Variants in PCDHGA1 observed in about 807,000 individuals in gnomAD.
The protein encoded by PCDHGA1 is protocadherin gamma subfamily A, 1, also known as protocadherin gamma-A1.
In PCDHGA1, 32 loss-of-function variants were observed where a neutral mutation model predicts 58.0. The observed-to-expected ratio is 0.55, with a 90% CI of 0.42 to 0.74. The LOEUF is 0.74. Among genes scored for constraint, PCDHGA1 ranks in the 30% least tolerant of loss-of-function variants. PCDHGA1 has a pLI of 0.00. For synonymous variants in PCDHGA1, 498 were observed against 501.1 expected (o/e 0.99, Z 0.08); for missense variants, 1,205 against 1,182.3 (o/e 1.02, Z -0.28).
At chr5:141,454,789 G>T (rs1368681394) in intron 1 of PCDHGA1, among the ~76,000 whole-genome samples, 1 of 129,576 alleles carries the variant, frequency 7.7e-6, no homozygotes, top group African/African-American at 3.1e-5. Flanking sequence ...AATCCTCCAT[G>T]GTTCTAATTT....
intron 1 of PCDHGA1, chr5:141,360,218 C>T (rs1331722103): frequency 6.2e-7 from 1 of 1,613,378 alleles, no homozygotes; most frequent in African/African-American, 1.3e-5. Context: ...TTCCCCGGGG[C>T]TCTCCCAGTC....
chr5:141,340,707 C>T (rs757258836), intron 1 of PCDHGA1: 7 of 1,614,052 alleles, frequency 4.3e-6, no homozygotes, highest in African/African-American at 4.0e-5. Flanking sequence ...GAGCTGGCGC[C>T]CCGCTCCGCA....
In PCDHGA1 at chr5:141,493,664, G is replaced by A. The variant is rs2099749444; in HGVS notation, c.2422-1143G>A. Reference sequence around the variant, plus strand: ...TGGCCATCCCTGTGCCCTTCTCCATGGCAGCCCCAGAATGGTGCTGGTGAC... The same window carrying A: ...TGGCCATCCCTGTGCCCTTCTCCATAGCAGCCCCAGAATGGTGCTGGTGAC... On this transcript the variant is annotated intron_variant, in intron 1 of 3. Coordinates refer to ENST00000517417, the MANE Select transcript of PCDHGA1 (RefSeq NM_018912.3). This position sits in a 1 kb window ranked among gnomAD's most constrained non-coding sequence, Gnocchi z 4.3. Among the ~76,000 whole-genome samples, 1 of 152,136 alleles carries A rather than the reference G, an allele frequency of 6.6e-6. No homozygotes were observed. Among genetic ancestry groups the A allele is most frequent in the Non-Finnish European group, 1.5e-5 (1 of 68,026 alleles).
At chr5:141,414,587 G>A (rs775783880) in intron 1 of PCDHGA1, 5 of 1,613,828 alleles carry the variant, frequency 3.1e-6, no homozygotes, top group Non-Finnish European at 8.5e-7. Context: ...AACAACGCCA[G>A]GGGTGCCTCC....
chr5:141,362,432 A>T, intron 1 of PCDHGA1: 1 of 1,613,924 alleles, frequency 6.2e-7, no homozygotes, highest in South Asian at 1.1e-5. Flanking sequence ...ACAGAGTTCA[A>T]TTTTCTGAAC....
chr5:141,393,268 A>C, intron 1 of PCDHGA1: 1 of 1,613,946 alleles, frequency 6.2e-7, no homozygotes, highest in South Asian at 1.1e-5. Flanking sequence ...GGAGCACGTT[A>C]TCCACTCCCA....
At chr5:141,404,703 C>T (rs545479443) in intron 1 of PCDHGA1, 3 of 1,614,124 alleles carry the variant, frequency 1.9e-6, no homozygotes, top group African/African-American at 2.7e-5. Flanking sequence ...TCTGCAGAGC[C>T]TGGCTACCTG....
chr5:141,426,394 A>G (rs1353766048), intron 1 of PCDHGA1: 1 of 258,122 alleles, frequency 3.9e-6, no homozygotes, highest in African/African-American at 2.2e-5. Flanking sequence ...CCGCTACTCT[A>G]TTCCAGAAGA....
At chr5:141,368,303 C>G (rs981191656) in intron 1 of PCDHGA1, among the ~76,000 whole-genome samples, 4 of 152,066 alleles carry the variant, frequency 2.6e-5, no homozygotes, top group African/African-American at 9.7e-5. Context: ...TTTTTAAACA[C>G]TGTTAAAGAG....
At chr5:141,466,765 G>A (rs1199343616) in intron 1 of PCDHGA1, among the ~76,000 whole-genome samples, 1 of 151,996 alleles carries the variant, frequency 6.6e-6, no homozygotes, top group African/African-American at 2.4e-5. Context: ...TTTTCAAACT[G>A]TTATCTTATT....
intron 1 of PCDHGA1, chr5:141,478,713 G>A (rs745990290): frequency 1.9e-6 from 3 of 1,546,642 alleles, no homozygotes; most frequent in African/African-American, 2.7e-5. Context: ...TTGTGAGATG[G>A]TGGCCTGCCA....
rs766164142 is a variant in PCDHGA1, at chr5:141,477,910, G to A, written c.2422-16897G>A. On this transcript the variant is annotated intron_variant, in intron 1 of 3. Transcript: ENST00000517417. The surrounding 1 kb of genome is among the most constrained non-coding windows in gnomAD (Gnocchi z 4.9). ...TGTCACGGGTGGTAGGCTGGGACGC[G>A]GATGCAGGGCACAATGCCTGGCTCT... 6.2e-7 allele frequency: 1 copy of A among 1,614,166 alleles called. No individual in the cohort carries two copies. Among genetic ancestry groups the A allele is most frequent in the Admixed American group, 1.7e-5 (1 of 60,020 alleles).
At chr5:141,359,896 A>G in intron 1 of PCDHGA1, 1 of 397,074 alleles carries the variant, frequency 2.5e-6, no homozygotes, top group Non-Finnish European at 4.4e-6. Flanking sequence ...GCAAATATTG[A>G]CAAGCCATTA....
At chr5:141,495,571 C>T (rs1031548699) in intron 2 of PCDHGA1, among the ~76,000 whole-genome samples, 1 of 152,198 alleles carries the variant, frequency 6.6e-6, no homozygotes, top group African/African-American at 2.4e-5. Flanking sequence ...TCTGCCTCTC[C>T]CTCTCTTCTC....
At chr5:141,371,681 T>A (rs529874051) in intron 1 of PCDHGA1, 27 of 1,613,832 alleles carry the variant, frequency 1.7e-5, no homozygotes, top group Non-Finnish European at 2.0e-5. Flanking sequence ...ACAAAGGCAA[T>A]CCACCGCTCT....
chr5:141,489,247 C>T lies in PCDHGA1; in HGVS notation c.2422-5560C>T. 6.5e-7 allele frequency: 1 copy of T among 1,546,012 alleles called. No individual in the cohort carries two copies. The highest frequency in any genetic ancestry group is 8.7e-7 in the Non-Finnish European group (1 of 1,146,298). ...ACAAAGGGACTTCTGGGTCATGGGGCCCAAGACACTCCCACAGCTCGCTGG... is the reference window on the plus strand; with the variant it reads ...ACAAAGGGACTTCTGGGTCATGGGGTCCAAGACACTCCCACAGCTCGCTGG... On this transcript the variant is annotated intron_variant, in intron 1 of 3. Coordinates refer to ENST00000517417, the MANE Select transcript of PCDHGA1 (RefSeq NM_018912.3). This position sits in a 1 kb window ranked among gnomAD's most constrained non-coding sequence, Gnocchi z 4.5.
At chr5:141,451,703 A>C (rs975120935) in intron 1 of PCDHGA1, among the ~76,000 whole-genome samples, 2 of 152,144 alleles carry the variant, frequency 1.3e-5, no homozygotes, top group Non-Finnish European at 2.9e-5. Context: ...GTAACATGAC[A>C]AAACCCTGCC....
At chr5:141,361,818 G>A (rs745833230) in intron 1 of PCDHGA1, 8 of 1,613,098 alleles carry the variant, frequency 5.0e-6, no homozygotes, top group Non-Finnish European at 6.8e-6. Context: ...ATGCGCCACG[G>A]GTGCTGTACC....
At chr5:141,360,691 C>G (rs769552325) in intron 1 of PCDHGA1, 15 of 1,613,850 alleles carry the variant, frequency 9.3e-6, no homozygotes, top group African/African-American at 4.0e-5. Flanking sequence ...GAAACAGACT[C>G]CAGATGGTCG....
Sources: gnomAD v4.1 joint callset for allele counts (sites outside exome capture counted in the v4.1 genomes callset) on GRCh38, gnomAD v4.1.1 for gene constraint, Gnocchi (gnomAD v3.1) non-coding constraint, MANE v1.5 for transcripts, NCBI Gene and HGNC (gene_info 2026-07-23, HGNC 2026-07-21) for gene names.